Variants in SORCS3 observed in about 807,000 individuals in gnomAD.
SORCS3 encodes the protein sortilin related VPS10 domain containing receptor 3.
Under a neutral mutation model 146.3 loss-of-function variants are expected in SORCS3, and 57 were observed. The observed-to-expected ratio is 0.39, with a 90% CI of 0.31 to 0.49. SORCS3 has a LOEUF of 0.49. Among genes scored for constraint, SORCS3 ranks in the 20% least tolerant of loss-of-function variants. The probability of loss-of-function intolerance (pLI) is 0.92; values close to 1 mark genes in which losing one functional copy is unlikely to be tolerated. For missense variants in SORCS3, 1,341 were observed against 1,575.5 expected, an observed-to-expected ratio of 0.85 and a Z score of 2.52; for synonymous variants, 653 against 618.5, an observed-to-expected ratio of 1.06 and a Z score of -0.83.
At chr10:104,718,950 T>A (rs35466472) in intron 1 of SORCS3, among the ~76,000 whole-genome samples, 32,554 of 152,090 alleles carry the variant, frequency 0.21, 3,649 homozygotes, top group Non-Finnish European at 0.25. Context: ...ATATAACATG[T>A]GCCACATCTG....
intron 25 of SORCS3, among the ~76,000 whole-genome samples, chr10:105,259,281 GCA>G (rs2056947425): frequency 6.6e-6 from 1 of 152,202 alleles, no homozygotes; most frequent in Non-Finnish European, 1.5e-5. Context: ...CTGTTGAGCA[GCA>G]CAGTTTAGTG....
intron 2 of SORCS3, among the ~76,000 whole-genome samples, chr10:104,864,790 C>T (rs372048526): frequency 6.6e-6 from 1 of 152,208 alleles, no homozygotes; most frequent in Non-Finnish European, 1.5e-5. Flanking sequence ...TCACCAAAGG[C>T]AAACTGGTGT....
At chr10:104,991,845 G>C (rs1257516202) in intron 4 of SORCS3, among the ~76,000 whole-genome samples, 4 of 152,124 alleles carry the variant, frequency 2.6e-5, no homozygotes, top group African/African-American at 9.7e-5. Context: ...ATTAGGGCCT[G>C]CTCTAATAAC....
At chr10:104,884,242 G>A (rs1030745001) in intron 2 of SORCS3, among the ~76,000 whole-genome samples, 10 of 152,150 alleles carry the variant, frequency 6.6e-5, no homozygotes, top group African/African-American at 1.7e-4. Context: ...GGAGAGAGGA[G>A]ACATTTAATG....
intron 2 of SORCS3, among the ~76,000 whole-genome samples, chr10:104,892,665 G>A (rs371978644): frequency 6.6e-6 from 1 of 152,088 alleles, no homozygotes; most frequent in South Asian, 2.1e-4. Context: ...GGAGGTTGCA[G>A]TAGCCGAGAT....
At chr10:105,029,243 C>T (rs1291898095) in intron 4 of SORCS3, among the ~76,000 whole-genome samples, 1 of 152,168 alleles carries the variant, frequency 6.6e-6, no homozygotes, top group East Asian at 1.9e-4. Flanking sequence ...GAGTTGAGAA[C>T]CACTGATTTG....
chr10:104,801,124 T>A (rs1793721784), intron 1 of SORCS3, among the ~76,000 whole-genome samples: 1 of 152,176 alleles, frequency 6.6e-6, no homozygotes, highest in South Asian at 2.1e-4. Context: ...TGGCCTGGGA[T>A]CAAATCCCAT....
At chr10:105,007,705 A>G (rs963536332) in intron 4 of SORCS3, among the ~76,000 whole-genome samples, 4 of 151,902 alleles carry the variant, frequency 2.6e-5, no homozygotes, top group African/African-American at 4.8e-5. Context: ...ATGAACATTT[A>G]TTGTCATGTC....
chr10:105,196,227 G>T (rs7101238), intron 14 of SORCS3, among the ~76,000 whole-genome samples: 38 of 152,174 alleles, frequency 2.5e-4, no homozygotes, highest in Admixed American at 2.4e-3. Context: ...CTGCTCCATA[G>T]ATCAAGCCTG....
chr10:104,725,097 C>G (rs963127315), intron 1 of SORCS3, among the ~76,000 whole-genome samples: 1 of 152,136 alleles, frequency 6.6e-6, no homozygotes, highest in African/African-American at 2.4e-5. Flanking sequence ...TTTTCCCCAT[C>G]TTTGTGGTTT....
chr10:105,035,285 A>G (rs1001524014), intron 4 of SORCS3, among the ~76,000 whole-genome samples: 2 of 152,172 alleles, frequency 1.3e-5, no homozygotes, highest in African/African-American at 4.8e-5. Flanking sequence ...TTAGAGAACT[A>G]AACATATTTG....
intron 1 of SORCS3, among the ~76,000 whole-genome samples, chr10:104,826,487 A>G (rs1490179): frequency 0.098 from 14,957 of 152,262 alleles, 903 homozygotes; most frequent in South Asian, 0.24. Context: ...ATGCACATAA[A>G]TGTTATGATT....
At chr10:104,741,950 G>A (rs1270854089) in intron 1 of SORCS3, among the ~76,000 whole-genome samples, 4 of 151,620 alleles carry the variant, frequency 2.6e-5, no homozygotes, top group African/African-American at 9.7e-5. Context: ...GTGTTGGCAC[G>A]TATTGTCTTT....
chr10:104,937,040 C>G, intron 3 of SORCS3, among the ~76,000 whole-genome samples: 1 of 152,154 alleles, frequency 6.6e-6, no homozygotes, highest in East Asian at 1.9e-4. Context: ...GATGGGGGCA[C>G]AGGGGGTGAT....
intron 3 of SORCS3, among the ~76,000 whole-genome samples, chr10:104,967,341 C>T (rs752188773): frequency 6.6e-6 from 1 of 152,180 alleles, no homozygotes; most frequent in Non-Finnish European, 1.5e-5. Context: ...TTCTCCCTGA[C>T]ACTTTCCTGT....
intron 5 of SORCS3, among the ~76,000 whole-genome samples, chr10:105,045,756 A>G (rs1316535226): frequency 1.3e-5 from 2 of 152,126 alleles, no homozygotes; most frequent in Admixed American, 6.6e-5. Flanking sequence ...TTTGTTGTCA[A>G]TTTCATAAGG....
intron 5 of SORCS3, among the ~76,000 whole-genome samples, chr10:105,071,337 T>G (rs2055555093): frequency 6.6e-6 from 1 of 152,244 alleles, no homozygotes; most frequent in Non-Finnish European, 1.5e-5. Context: ...TCTGTTTTCC[T>G]CATGAAGCAC....
intron 5 of SORCS3, among the ~76,000 whole-genome samples, chr10:105,072,294 T>C (rs1265096736): frequency 2.0e-5 from 3 of 152,136 alleles, no homozygotes; most frequent in South Asian, 2.1e-4. Context: ...CTTTTAGCAA[T>C]TGATCTTGTA....
At chr10:104,903,936 G>A (rs994190348) in intron 2 of SORCS3, among the ~76,000 whole-genome samples, 19 of 152,094 alleles carry the variant, frequency 1.2e-4, no homozygotes, top group African/African-American at 4.6e-4. Context: ...GTTTTGTTTT[G>A]GAAACTATAG....
Sources: allele counts gnomAD v4.1 joint callset (sites outside exome capture counted in the v4.1 genomes callset), GRCh38; gene constraint gnomAD v4.1.1; transcripts MANE v1.5; gene names NCBI Gene and HGNC (gene_info 2026-07-23, HGNC 2026-07-21).